SPAG6: variants seen among roughly 807,000 people sequenced by gnomAD.
SPAG6 encodes the protein sperm associated antigen 6, also known as sperm-associated antigen 6.
Under a neutral mutation model 58.5 loss-of-function variants are expected in SPAG6, and 49 were observed. That is an observed-to-expected ratio of 0.84 (90% CI 0.67 to 1.06). The LOEUF (loss-of-function observed/expected upper bound fraction) is 1.06, where lower values mean the gene tolerates loss of function less well. Ranked by LOEUF, SPAG6 falls within the 50% of genes least tolerant of loss-of-function variation. The probability of loss-of-function intolerance (pLI) is 0.00; values close to 1 mark genes in which losing one functional copy is unlikely to be tolerated. For synonymous variants in SPAG6, 233 were observed against 225.6 expected (o/e 1.03, Z -0.29); for missense variants, 560 against 611.3 (o/e 0.92, Z 0.89).
Position 22,412,384 on chromosome 10 carries a change from T to C in SPAG6, c.1460+1208T>C, listed in dbSNP as rs541324843. ...TTAATACGTATGGTAACATTAATTT[T>C]AAAAGCACAAAAGCAATTTTAAGAT... On this transcript the variant is annotated intron_variant, in intron 10 of 10. Coordinates refer to ENST00000376624, the MANE Select transcript of SPAG6 (RefSeq NM_012443.4). 1.9e-5 allele frequency: 17 copies of C among 897,714 alleles called. No individual in the cohort carries two copies. The African/African-American group carries it at 2.7e-4, about 14-fold the overall frequency. 55.6% of individuals were successfully genotyped at this position (897,714 alleles called of 1,614,324 possible). A position where few individuals can be genotyped will look rare whatever the true frequency, so the allele number is the denominator to read the frequency against.
rs772585927 is a variant in SPAG6, at chr10:22,365,029, A to T, written c.288+10A>T. The T allele has an allele frequency of 3.8e-6, 6 of 1,558,922 alleles. No individual in the cohort carries two copies. The highest frequency in any genetic ancestry group is 1.4e-5 in the African/African-American group (1 of 72,262). On this transcript the variant is annotated intron_variant, in intron 3 of 10. Transcript: ENST00000376624. ...ATTGGCAGAACAGAATGTAAGAATT[A>T]AAAAAAACTAGTTATATGTTTTTTT...
intron 2 of SPAG6, among the ~76,000 whole-genome samples, chr10:22,351,773 G>A (rs1032928989): frequency 6.6e-6 from 1 of 152,108 alleles, no homozygotes; most frequent in African/African-American, 2.4e-5. Flanking sequence ...TACAAGTCAG[G>A]CCTCCCTAAT....
intron 8 of SPAG6, among the ~76,000 whole-genome samples, chr10:22,396,745 A>G (rs935077328): frequency 6.6e-6 from 1 of 152,140 alleles, no homozygotes; most frequent in Non-Finnish European, 1.5e-5. Flanking sequence ...GGTTTTTCCA[A>G]TAGCCCTAAT....
chr10:22,402,706 A>G (rs1414868478), intron 9 of SPAG6, among the ~76,000 whole-genome samples: 1 of 152,244 alleles, frequency 6.6e-6, no homozygotes, highest in East Asian at 1.9e-4. Context: ...TGCCCTCTTG[A>G]AAAACCAACT....
Position 22,416,599 on chromosome 10 carries a change from T to C in SPAG6, c.1461-20T>C. 6.7e-7 allele frequency: 1 copy of C among 1,492,792 alleles called. No individual in the cohort carries two copies. Among genetic ancestry groups the C allele is most frequent in the Non-Finnish European group, 9.3e-7 (1 of 1,070,136 alleles). The allele number at this position is 1,492,792 out of a possible 1,614,324, so 92.5% of individuals were successfully genotyped here. ...TGTTGATCGTTTCACCAGCATTTAA[T>C]AGTGTATTTTCTTTTTCAGGTATTA... On this transcript the variant is annotated intron_variant, in intron 10 of 10. Transcript: ENST00000376624.
intron 8 of SPAG6, among the ~76,000 whole-genome samples, chr10:22,393,903 T>C (rs1337047930): frequency 6.6e-6 from 1 of 152,226 alleles, no homozygotes; most frequent in Non-Finnish European, 1.5e-5. Context: ...TTTGTTACTC[T>C]ATGGCAGGTT....
chr10:22,406,468 T>C (rs1442558616), intron 9 of SPAG6, among the ~76,000 whole-genome samples: 1 of 152,248 alleles, frequency 6.6e-6, no homozygotes, highest in African/African-American at 2.4e-5. Flanking sequence ...TTCTTAATCC[T>C]GAGTTCTAGT....
intron 2 of SPAG6, chr10:22,360,826 A>T (rs759518366): frequency 4.8e-4 from 730 of 1,533,630 alleles, no homozygotes; most frequent in Non-Finnish European, 5.9e-4. Flanking sequence ...ATTTCCATGC[A>T]TTCACTCACC....
At chr10:22,352,707 G>A (rs890688941) in intron 2 of SPAG6, among the ~76,000 whole-genome samples, 1 of 152,076 alleles carries the variant, frequency 6.6e-6, no homozygotes, top group Admixed American at 6.5e-5. Flanking sequence ...TAGTAGAGAC[G>A]AGGTTTCACC....
rs541621773 is a variant in SPAG6, at chr10:22,355,909, T to C, written c.122-8944T>C. On this transcript the variant is annotated intron_variant, in intron 2 of 10. Coordinates refer to ENST00000376624, the MANE Select transcript of SPAG6 (RefSeq NM_012443.4). Reference sequence around the variant, plus strand: ...AAGGAAATGAGAACATGTTATACAATTCATCAGTGTTGTGAAACTTGGTTC... The same window carrying C: ...AAGGAAATGAGAACATGTTATACAACTCATCAGTGTTGTGAAACTTGGTTC... Among the ~76,000 whole-genome samples, 204 of 152,308 alleles carry C rather than the reference T, an allele frequency of 1.3e-3. 2 individuals carry two copies. Among genetic ancestry groups the C allele is most frequent in the African/African-American group, 4.7e-3 (194 of 41,572 alleles).
intron 2 of SPAG6, among the ~76,000 whole-genome samples, chr10:22,353,519 A>C (rs1836787699): frequency 6.6e-6 from 1 of 152,260 alleles, no homozygotes; most frequent in Non-Finnish European, 1.5e-5. Flanking sequence ...TTGTACCTAA[A>C]AAGAAAACAA....
chr10:22,354,749 G>A (rs577239531), intron 2 of SPAG6, among the ~76,000 whole-genome samples: 1 of 152,260 alleles, frequency 6.6e-6, no homozygotes, highest in African/African-American at 2.4e-5. Flanking sequence ...GGTGGCTCAC[G>A]CCTGTAACCC....
intron 9 of SPAG6, among the ~76,000 whole-genome samples, chr10:22,405,108 C>G (rs1282685880): frequency 6.6e-6 from 1 of 152,210 alleles, no homozygotes; most frequent in African/African-American, 2.4e-5. Flanking sequence ...TTCTTCTTTT[C>G]CTAACTGAAT....
At chr10:22,387,452 A>G (rs1834093245) in intron 5 of SPAG6, among the ~76,000 whole-genome samples, 1 of 152,212 alleles carries the variant, frequency 6.6e-6, no homozygotes, top group Non-Finnish European at 1.5e-5. Context: ...TGGTATCAGC[A>G]TCATGTCAAA....
At chr10:22,362,316 A>G (rs926855969) in intron 2 of SPAG6, among the ~76,000 whole-genome samples, 2 of 151,266 alleles carry the variant, frequency 1.3e-5, no homozygotes, top group East Asian at 1.9e-4. Flanking sequence ...CTTTAAAGCT[A>G]TTCTAAGCAT....
rs749895916 is a variant in SPAG6, at chr10:22,417,514, G to C, written c.*826G>C. ...TCAGGTATTTAAGGAATAGTTTGAA[G>C]CTAATACCATCAGGCTCAGAGTTTA... On this transcript the variant is annotated 3_prime_UTR_variant, in exon 11 of 11. Transcript: ENST00000376624. 1 of 152,216 alleles carries C rather than the reference G, an allele frequency of 6.6e-6. No individual in the cohort carries two copies. The highest frequency in any genetic ancestry group is 1.5e-5 in the Non-Finnish European group (1 of 68,030). 9.4% of individuals were successfully genotyped at this position (152,216 alleles called of 1,614,324 possible).
intron 4 of SPAG6, among the ~76,000 whole-genome samples, chr10:22,379,706 T>C (rs1833906999): frequency 6.6e-6 from 1 of 152,202 alleles, no homozygotes; most frequent in Non-Finnish European, 1.5e-5. Flanking sequence ...AGATAATAAA[T>C]GTTTGCTGTT....
At chr10:22,403,122 T>G (rs1834454422) in intron 9 of SPAG6, among the ~76,000 whole-genome samples, 1 of 152,142 alleles carries the variant, frequency 6.6e-6, no homozygotes, top group Non-Finnish European at 1.5e-5. Context: ...CAGGAATATT[T>G]TCTTTTTTTT....
chr10:22,408,682 C>G (rs1224714628), intron 9 of SPAG6, among the ~76,000 whole-genome samples: 2 of 152,248 alleles, frequency 1.3e-5, no homozygotes, highest in African/African-American at 4.8e-5. Context: ...AGCTTCCCAG[C>G]TGCTTTGTTT....
Sources: allele counts gnomAD v4.1 joint callset (sites outside exome capture counted in the v4.1 genomes callset), GRCh38; gene constraint gnomAD v4.1.1; transcripts MANE v1.5; gene names NCBI Gene and HGNC (gene_info 2026-07-23, HGNC 2026-07-21).